Variants in TEKT1 observed in about 807,000 individuals in gnomAD.
TEKT1 encodes the protein tektin 1.
TEKT1 carries 32 observed loss-of-function variants against 34.8 expected under a neutral mutation model. That is an observed-to-expected ratio of 0.92 (90% confidence interval 0.69 to 1.23). The LOEUF is 1.23. Ranked by LOEUF, TEKT1 falls within the 50% of genes most tolerant of loss-of-function variation. The probability of loss-of-function intolerance (pLI) is 0.00; values close to 1 mark genes in which losing one functional copy is unlikely to be tolerated. For missense variants in TEKT1, 492 were observed against 518.5 expected (o/e 0.95, Z 0.50); for synonymous variants, 207 against 199.8 (o/e 1.04, Z -0.30).
At chr17:6,805,076 G>A (rs1976825934) in intron 6 of TEKT1, among the ~76,000 whole-genome samples, 1 of 152,144 alleles carries the variant, frequency 6.6e-6, no homozygotes, top group Non-Finnish European at 1.5e-5. Context: ...GAATTCGGCT[G>A]GGAATCCGTA....
At chr17:6,801,525 G>A (rs948797471) in intron 6 of TEKT1, among the ~76,000 whole-genome samples, 3 of 152,040 alleles carry the variant, frequency 2.0e-5, no homozygotes, top group South Asian at 2.1e-4. Flanking sequence ...CTGCCAACAC[G>A]GTGAAACCCC....
At chr17:6,817,605 C>G (rs1363269258) in intron 3 of TEKT1, among the ~76,000 whole-genome samples, 1 of 152,050 alleles carries the variant, frequency 6.6e-6, no homozygotes, top group Non-Finnish European at 1.5e-5. Flanking sequence ...ACATGTGCTT[C>G]TAGCCAAGAT....
At chr17:6,818,240 C>T (rs1427114400) in intron 3 of TEKT1, among the ~76,000 whole-genome samples, 2 of 152,064 alleles carry the variant, frequency 1.3e-5, no homozygotes, top group African/African-American at 2.4e-5. Context: ...CTAAGCATGG[C>T]GGTGACCGGG....
In TEKT1 at chr17:6,799,806, G is replaced by A. The variant is rs1976740886; in HGVS notation, c.*221C>T. 1 of 461,820 alleles carries A rather than the reference G, an allele frequency of 2.2e-6. No individual in the cohort carries two copies. The highest frequency in any genetic ancestry group is 3.6e-5 in the East Asian group (1 of 28,102). The allele number at this position is 461,820 out of a possible 1,614,324, so 28.6% of individuals were successfully genotyped here. On this transcript the variant is annotated 3_prime_UTR_variant, in exon 8 of 8. Coordinates refer to ENST00000338694, the MANE Select transcript of TEKT1 (RefSeq NM_053285.2). ...CCCCAAGTCCTGTGATATTGTAAGA[G>A]TGGCCTGTGCTAAAATATGGAGTTG...
rs1172122584 is a variant in TEKT1 at position 6,823,590 on chromosome 17, T to G, written c.191-4232A>C. Among the ~76,000 whole-genome samples, 5 of 152,190 alleles carry G rather than the reference T, an allele frequency of 3.3e-5. No individual in the cohort carries two copies. In the East Asian group the frequency reaches 9.6e-4, roughly 29 times the overall value. On this transcript the variant is annotated intron_variant, in intron 2 of 7. Transcript: ENST00000338694. Reference sequence around the variant, plus strand: ...AAAAGGAAGAGAAGACAAATGCATGTGCTTAATCCACCATGTAGATGGGCA... The same window carrying G: ...AAAAGGAAGAGAAGACAAATGCATGGGCTTAATCCACCATGTAGATGGGCA...
intron 1 of TEKT1, among the ~76,000 whole-genome samples, chr17:6,830,902 G>A (rs543700526): frequency 3.3e-5 from 5 of 152,128 alleles, no homozygotes; most frequent in Admixed American, 1.3e-4. Context: ...ATGTCTTTTG[G>A]TGAACACGTG....
At chr17:6,808,761 A>C (rs918589485) in intron 6 of TEKT1, among the ~76,000 whole-genome samples, 2 of 152,184 alleles carry the variant, frequency 1.3e-5, no homozygotes, top group Non-Finnish European at 2.9e-5. Flanking sequence ...TAAAATCATA[A>C]GGCTAAAACA....
At chr17:6,822,348 G>A (rs777102540) in intron 2 of TEKT1, among the ~76,000 whole-genome samples, 3 of 152,068 alleles carry the variant, frequency 2.0e-5, no homozygotes, top group Non-Finnish European at 4.4e-5. Context: ...TGTTGCCAAG[G>A]CTGGTCTCAA....
At position 6,815,970 on chromosome 17, in the gene TEKT1, G is replaced by C. The variant is rs370658668; in HGVS notation, c.357-8C>G. 4.8e-5 allele frequency: 77 copies of C among 1,613,462 alleles called. No homozygotes were observed. Among genetic ancestry groups the C allele is most frequent in the Non-Finnish European group, 6.2e-5 (73 of 1,180,002 alleles). ...ATGCCAATGCGCTTCTCCCTGGCAGGGGGAAAGGCAGCCAGTCAGCCAACA... is the reference window on the plus strand; with the variant it reads ...ATGCCAATGCGCTTCTCCCTGGCAGCGGGAAAGGCAGCCAGTCAGCCAACA... On this transcript the variant is annotated splice_region_variant and splice_polypyrimidine_tract_variant and intron_variant, in intron 3 of 7. Transcript: ENST00000338694.
At position 6,800,772 on chromosome 17, in the gene TEKT1, G is replaced by T; in HGVS notation, c.1024C>A (p.Gln342Lys). ...CTTGCGACATTGTGGGTGATCTCTT[G>T]AACCTCCTTCATTAGCCTATATTGT... The part of the protein sequence containing the change: ...VAQYRLMKEV[Q>K]EITHNVARLK... The change falls in exon 7 of 8, where the codon CAA (glutamine) becomes AAA (lysine). Residue 342 changes from glutamine (Q) to lysine (K), a missense_variant. Gln to Lys is a moderately conservative substitution (Grantham distance 53, BLOSUM62 1). Transcript: ENST00000338694. 1 of 1,613,612 alleles carries T rather than the reference G, an allele frequency of 6.2e-7. No homozygotes were observed. The highest frequency in any genetic ancestry group is 1.1e-5 in the South Asian group (1 of 90,982).
At chr17:6,809,334 C>G (rs1976894420) in intron 6 of TEKT1, among the ~76,000 whole-genome samples, 1 of 152,130 alleles carries the variant, frequency 6.6e-6, no homozygotes, top group Non-Finnish European at 1.5e-5. Flanking sequence ...TAGGTTCAAG[C>G]AATTCTCCTG....
In TEKT1 at chr17:6,801,066, C is replaced by T. The variant is rs1597783971; in HGVS notation, c.853-123G>A. 8.6e-6 allele frequency: 8 copies of T among 928,614 alleles called. No homozygotes were observed. In the South Asian group the frequency reaches 1.2e-4, roughly 14 times the overall value. 57.5% of individuals were successfully genotyped at this position (928,614 alleles called of 1,614,324 possible). A position where few individuals can be genotyped will look rare whatever the true frequency, so the allele number is the denominator to read the frequency against. ...GAACCTCAGATTTCTTCTTAAGCAG[C>T]ATGCCAGAGTCTGATCTCTCTTCCC... On this transcript the variant is annotated intron_variant, in intron 6 of 7. Transcript: ENST00000338694.
chr17:6,819,666 C>T (rs927575451), intron 2 of TEKT1, among the ~76,000 whole-genome samples: 3 of 152,168 alleles, frequency 2.0e-5, no homozygotes, highest in Non-Finnish European at 2.9e-5. Context: ...CAAATAGTAT[C>T]ACAAAGAATT....
Position 6,819,175 on chromosome 17 carries a change from A to C in TEKT1, c.356+18T>G, listed in dbSNP as rs1402669886. ...TTTGTCACAACACATGAATCATTTG[A>C]GGGACCTTCGCTCCTACCTGTATGC... On this transcript the variant is annotated intron_variant, in intron 3 of 7. Transcript: ENST00000338694. The C allele has an allele frequency of 1.2e-6, 2 of 1,606,100 alleles. No individual in the cohort carries two copies. Among genetic ancestry groups the C allele is most frequent in the East Asian group, 4.5e-5 (2 of 44,804 alleles).
Position 6,815,968 on chromosome 17 carries a change from AG to A in TEKT1, c.357-7del, listed in dbSNP as rs773647844. On this transcript the variant is annotated splice_region_variant and splice_polypyrimidine_tract_variant and intron_variant, in intron 3 of 7. Transcript: ENST00000338694. Reference sequence around the variant, plus strand: ...CAATGCCAATGCGCTTCTCCCTGGCAGGGGGAAAGGCAGCCAGTCAGCCAAC... The same window carrying A: ...CAATGCCAATGCGCTTCTCCCTGGCAGGGGAAAGGCAGCCAGTCAGCCAAC... The A allele has an allele frequency of 1.9e-6, 3 of 1,613,642 alleles. No individual in the cohort carries two copies. Among genetic ancestry groups the A allele is most frequent in the Non-Finnish European group, 2.5e-6 (3 of 1,179,976 alleles).
intron 5 of TEKT1, 69 bp downstream of exon 5, chr17:6,815,094 C>T: frequency 6.5e-7 from 1 of 1,541,732 alleles, no homozygotes; most frequent in Non-Finnish European, 8.7e-7. Flanking sequence ...CAAGGACGAG[C>T]CGCTAGGTCT....
At chr17:6,812,426 C>T (rs570468218) in intron 6 of TEKT1, among the ~76,000 whole-genome samples, 1 of 152,266 alleles carries the variant, frequency 6.6e-6, no homozygotes, top group African/African-American at 2.4e-5. Context: ...CTGGCTGCAT[C>T]AACTCCTGTA....
intron 1 of TEKT1, 96 bp from the exon 2 acceptor site, chr17:6,830,489 A>G: frequency 7.1e-6 from 6 of 846,980 alleles, no homozygotes; most frequent in Non-Finnish European, 1.1e-5. Context: ...GGAAAATTGC[A>G]TAAATCATAA....
intron 6 of TEKT1, 33 bp downstream of exon 6, chr17:6,812,798 G>A (rs764494501): frequency 6.3e-7 from 1 of 1,595,000 alleles, no homozygotes; most frequent in Non-Finnish European, 8.6e-7. Flanking sequence ...TCCTGAATCT[G>A]CTCTTCTTCC....
Sources: gnomAD v4.1 joint callset for allele counts (sites outside exome capture counted in the v4.1 genomes callset) on GRCh38, gnomAD v4.1.1 for gene constraint, MANE v1.5 for transcripts, NCBI Gene and HGNC (gene_info 2026-07-23, HGNC 2026-07-21) for gene names.